WWOX: variants seen among roughly 807,000 people sequenced by gnomAD.
WWOX encodes WW domain-containing oxidoreductase.
A neutral mutation model predicts 46.2 loss-of-function variants in WWOX; 69 were observed. The ratio of observed to expected loss-of-function variants is 1.49; its 90% CI spans 1.23 to 1.82. WWOX has a LOEUF of 1.82. WWOX is among the 40% of genes most tolerant of loss of function. WWOX has a pLI of 0.00. For missense variants in WWOX, 919 were observed against 542.6 expected, an observed-to-expected ratio of 1.69 and a Z score of -6.89; for synonymous variants, 359 against 202.6, an observed-to-expected ratio of 1.77 and a Z score of -6.56.
intron 5 of WWOX, among the ~76,000 whole-genome samples, chr16:78,370,760 A>G (rs1029947164): frequency 7.6e-6 from 1 of 131,032 alleles, no homozygotes; most frequent in Non-Finnish European, 1.6e-5. Flanking sequence ...ATAAACTTTT[A>G]AACTTTAAAC....
chr16:78,790,245 C>G (rs2050559919), intron 8 of WWOX, among the ~76,000 whole-genome samples: 4 of 152,102 alleles, frequency 2.6e-5, no homozygotes, highest in Admixed American at 2.0e-4. Flanking sequence ...GGTGATTGTC[C>G]TGCCTCAGCC....
intron 6 of WWOX, among the ~76,000 whole-genome samples, chr16:78,400,544 G>C (rs1004771709): frequency 1.3e-5 from 2 of 152,190 alleles, no homozygotes; most frequent in East Asian, 1.9e-4. Context: ...AAAAATCTTT[G>C]AGTTTCTGTG....
chr16:78,864,652 A>G (rs2043962895), intron 8 of WWOX, among the ~76,000 whole-genome samples: 1 of 151,422 alleles, frequency 6.6e-6, no homozygotes, highest in Admixed American at 6.6e-5. Flanking sequence ...CATTGGGCCC[A>G]GCTCTGAGAT....
chr16:79,070,006 ATCT>A (rs1401281468), intron 8 of WWOX, among the ~76,000 whole-genome samples: 2 of 152,252 alleles, frequency 1.3e-5, no homozygotes, highest in Non-Finnish European at 2.9e-5. Context: ...ATTTTGAAAC[ATCT>A]TCTGTGAAAA....
At chr16:78,163,566 G>C (rs1203210354) in intron 4 of WWOX, among the ~76,000 whole-genome samples, 1 of 152,242 alleles carries the variant, frequency 6.6e-6, no homozygotes, top group East Asian at 1.9e-4. Context: ...TGGCCTTGCA[G>C]TTTTTGCAGA....
At chr16:78,721,495 T>C (rs1210357669) in intron 8 of WWOX, among the ~76,000 whole-genome samples, 3 of 152,190 alleles carry the variant, frequency 2.0e-5, no homozygotes, top group Non-Finnish European at 4.4e-5. Context: ...GAAACTCTAT[T>C]GCTGGTGGCG....
intron 1 of WWOX, among the ~76,000 whole-genome samples, chr16:78,103,257 T>G (rs966250128): frequency 1.7e-5 from 2 of 117,384 alleles, no homozygotes; most frequent in African/African-American, 5.5e-5. Context: ...TTTTTTTTTT[T>G]TTTTTTTAAT....
chr16:78,109,714 C>A (rs1415095470), intron 2 of WWOX, 64 bp from the exon 3 acceptor site: 1 of 1,587,422 alleles, frequency 6.3e-7, no homozygotes, highest in Non-Finnish European at 8.7e-7. Context: ...TCCTTCCCTT[C>A]CTGACCCAGG....
chr16:78,433,129 A>G (rs145963085), intron 8 of WWOX, among the ~76,000 whole-genome samples: 2 of 152,328 alleles, frequency 1.3e-5, no homozygotes, highest in Middle Eastern at 3.4e-3. Flanking sequence ...TAGGTAAACA[A>G]CAAACATTGG....
At chr16:78,664,452 G>A (rs2047284716) in intron 8 of WWOX, among the ~76,000 whole-genome samples, 1 of 152,128 alleles carries the variant, frequency 6.6e-6, no homozygotes, top group African/African-American at 2.4e-5. Flanking sequence ...CTTCTTCCTC[G>A]ATCAGGCTGG....
chr16:78,368,816 A>T (rs139174560), intron 5 of WWOX, among the ~76,000 whole-genome samples: 1 of 152,158 alleles, frequency 6.6e-6, no homozygotes, highest in Non-Finnish European at 1.5e-5. Context: ...ATAGGTGACT[A>T]CAGAGCCAGA....
At chr16:79,165,558 C>G (rs925485411) in intron 8 of WWOX, among the ~76,000 whole-genome samples, 1 of 152,160 alleles carries the variant, frequency 6.6e-6, no homozygotes, top group African/African-American at 2.4e-5. Context: ...GTTGTTTCAG[C>G]TGGGGTGCAG....
chr16:78,463,309 A>G (rs979746918), intron 8 of WWOX, among the ~76,000 whole-genome samples: 1 of 152,210 alleles, frequency 6.6e-6, no homozygotes, highest in Non-Finnish European at 1.5e-5. Flanking sequence ...GTAAAAAGCA[A>G]TAGAAGAAAT....
intron 8 of WWOX, among the ~76,000 whole-genome samples, chr16:78,543,138 G>A (rs1038262163): frequency 6.6e-6 from 1 of 152,218 alleles, no homozygotes; most frequent in Admixed American, 6.5e-5. Context: ...CACAGTCCCT[G>A]AGGGACCCGG....
chr16:79,009,323 G>A (rs1027965279), intron 8 of WWOX, among the ~76,000 whole-genome samples: 2 of 152,282 alleles, frequency 1.3e-5, no homozygotes, highest in Middle Eastern at 3.4e-3. Context: ...TTGTGGCTGG[G>A]GCTGCTGCTC....
intron 8 of WWOX, among the ~76,000 whole-genome samples, chr16:78,807,227 T>G (rs2051064181): frequency 6.6e-6 from 1 of 152,198 alleles, no homozygotes; most frequent in South Asian, 2.1e-4. Context: ...AATTTTCCAC[T>G]GAGTCGCAAC....
At chr16:78,995,330 C>T (rs776160830) in intron 8 of WWOX, among the ~76,000 whole-genome samples, 1 of 152,104 alleles carries the variant, frequency 6.6e-6, no homozygotes, top group Non-Finnish European at 1.5e-5. Flanking sequence ...CCTCCCCTCT[C>T]CTGCCTACAG....
At chr16:78,867,640 A>C (rs1167344192) in intron 8 of WWOX, among the ~76,000 whole-genome samples, 1 of 152,032 alleles carries the variant, frequency 6.6e-6, no homozygotes, top group Non-Finnish European at 1.5e-5. Flanking sequence ...TCCCAGGTTC[A>C]AGAGAGTCTC....
At chr16:78,874,791 C>A (rs2044202643) in intron 8 of WWOX, among the ~76,000 whole-genome samples, 1 of 147,000 alleles carries the variant, frequency 6.8e-6, no homozygotes, top group South Asian at 2.2e-4. Flanking sequence ...CCTACACAGG[C>A]CTTCTACATA....
Sources: gnomAD v4.1 joint callset for allele counts (sites outside exome capture counted in the v4.1 genomes callset) on GRCh38, gnomAD v4.1.1 for gene constraint, MANE v1.5 for transcripts, NCBI Gene and HGNC (gene_info 2026-07-23, HGNC 2026-07-21) for gene names.